Variants in DLG2 observed in about 807,000 individuals in gnomAD.
The protein encoded by DLG2 is disks large homolog 2.
In DLG2, 45 loss-of-function variants were observed where a neutral mutation model predicts 132.5. The observed-to-expected ratio is 0.34, with a 90% CI of 0.27 to 0.44. DLG2 has a LOEUF of 0.44. DLG2 is among the 20% of genes least tolerant of loss of function. The probability of loss-of-function intolerance (pLI) is 1.00; values close to 1 mark genes in which losing one functional copy is unlikely to be tolerated. For synonymous variants in DLG2, 424 were observed against 419.6 expected (o/e 1.01, Z -0.13); for missense variants, 1,045 against 1,196.9 (o/e 0.87, Z 1.87).
At chr11:84,378,213 G>T (rs951144498) in intron 7 of DLG2, among the ~76,000 whole-genome samples, 15 of 152,160 alleles carry the variant, frequency 9.9e-5, no homozygotes, top group African/African-American at 3.1e-4. Flanking sequence ...GTCCCTAAAA[G>T]AAGAGACATC....
intron 6 of DLG2, among the ~76,000 whole-genome samples, chr11:84,731,978 C>T (rs1271351345): frequency 2.0e-5 from 3 of 151,956 alleles, no homozygotes; most frequent in African/African-American, 7.2e-5. Flanking sequence ...CTCATCTGCT[C>T]TCTGTCACTA....
intron 6 of DLG2, among the ~76,000 whole-genome samples, chr11:84,650,105 G>A (rs867535962): frequency 8.5e-5 from 13 of 152,274 alleles, no homozygotes; most frequent in Middle Eastern, 3.4e-3. Context: ...TACCCCATGA[G>A]CTGAAAATTA....
intron 6 of DLG2, among the ~76,000 whole-genome samples, chr11:84,862,436 G>C (rs2083859637): frequency 6.6e-6 from 1 of 152,044 alleles, no homozygotes; most frequent in African/African-American, 2.4e-5. Context: ...TCTAGAACCA[G>C]AAATACCATT....
In DLG2 at chr11:84,131,393, T is replaced by C. The variant is rs139466922; in HGVS notation, c.624+32068A>G. Among the ~76,000 whole-genome samples, 977 of 152,140 alleles carry C rather than the reference T, an allele frequency of 6.4e-3. 5 individuals carry two copies. The highest frequency in any genetic ancestry group is 0.014 in the Middle Eastern group (4 of 294). On this transcript the variant is annotated intron_variant, in intron 9 of 27. Coordinates refer to ENST00000376104, the MANE Select transcript of DLG2 (RefSeq NM_001142699.3). ...TTTGTATGTTGCGTACTTGTATGAA[T>C]GTTTATATATACATACATATACATG...
intron 6 of DLG2, among the ~76,000 whole-genome samples, chr11:84,779,198 A>ATG (rs1565939738): frequency 4.7e-5 from 7 of 148,076 alleles, no homozygotes; most frequent in South Asian, 2.1e-4. Flanking sequence ...ATGTGCGCAC[A>ATG]CACACACACA....
rs148676515 is a variant in DLG2, at chr11:85,442,392, G to A, written c.40+156265C>T. ...ATACAAGAAGTATAAATATGGTCAA[G>A]TTATATTTAGAGTTAGAGACAGTGA... On this transcript the variant is annotated intron_variant, in intron 3 of 27. Transcript: ENST00000376104. 8.5e-3 allele frequency among the ~76,000 whole-genome samples: 1,299 copies of A among 152,262 alleles called. 6 individuals carry two copies. Among genetic ancestry groups the A allele is most frequent in the Non-Finnish European group, 0.011 (753 of 68,032 alleles).
chr11:83,967,628 G>A (rs2090489007), intron 12 of DLG2, among the ~76,000 whole-genome samples: 1 of 151,956 alleles, frequency 6.6e-6, no homozygotes, highest in Non-Finnish European at 1.5e-5. Flanking sequence ...ATAAATTTTG[G>A]TTATTAACCT....
chr11:84,463,550 G>T (rs2099085988), intron 7 of DLG2, among the ~76,000 whole-genome samples: 1 of 151,164 alleles, frequency 6.6e-6, no homozygotes, highest in African/African-American at 2.4e-5. Flanking sequence ...GGAGGATGAG[G>T]TAGTATTGAT....
intron 3 of DLG2, among the ~76,000 whole-genome samples, chr11:85,506,434 T>A (rs2093935420): frequency 6.6e-6 from 1 of 152,246 alleles, no homozygotes; most frequent in Non-Finnish European, 1.5e-5. Flanking sequence ...CTCATTGGTT[T>A]CAAAGGACAT....
intron 12 of DLG2, among the ~76,000 whole-genome samples, chr11:83,977,838 T>C (rs71465583): frequency 0.043 from 6,470 of 152,198 alleles, 200 homozygotes; most frequent in Non-Finnish European, 0.067. Context: ...GCCATCACAT[T>C]CTACTTTTAA....
intron 7 of DLG2, among the ~76,000 whole-genome samples, chr11:84,429,340 C>T (rs1402627770): frequency 1.3e-5 from 2 of 152,238 alleles, no homozygotes; most frequent in Non-Finnish European, 2.9e-5. Flanking sequence ...GAGGAATCTG[C>T]TTGCAGATGA....
intron 6 of DLG2, among the ~76,000 whole-genome samples, chr11:84,914,933 T>C (rs530701287): frequency 1.8e-4 from 28 of 152,274 alleles, no homozygotes; most frequent in Non-Finnish European, 2.9e-4. Context: ...ATTAAGAATA[T>C]TGAGGTATGT....
At chr11:84,481,289 C>A (rs1049294686) in intron 7 of DLG2, among the ~76,000 whole-genome samples, 1 of 151,962 alleles carries the variant, frequency 6.6e-6, no homozygotes, top group Non-Finnish European at 1.5e-5. Context: ...GTTTATCTTG[C>A]CCTATTTTTT....
At position 83,561,069 on chromosome 11, in the gene DLG2, C is replaced by T. The variant is rs148675134; in HGVS notation, c.1941-19211G>A. Among the ~76,000 whole-genome samples the T allele has an allele frequency of 5.2e-3, 790 of 152,230 alleles. 7 individuals carry two copies. Among genetic ancestry groups the T allele is most frequent in the African/African-American group, 0.018 (740 of 41,542 alleles). ...TTACAAGGCCAGAGCAGGAGCAAGG[C>T]GTTGGGGAAGGTGCCACACACTTTT... On this transcript the variant is annotated intron_variant, in intron 19 of 27. Transcript: ENST00000376104.
Position 84,965,298 on chromosome 11 carries a change from C to T in DLG2, c.357+146363G>A, listed in dbSNP as rs183169859. Among the ~76,000 whole-genome samples, 8 of 151,904 alleles carry T rather than the reference C, an allele frequency of 5.3e-5. No individual in the cohort carries two copies. In the East Asian group the frequency reaches 7.7e-4, roughly 15 times the overall value. On this transcript the variant is annotated intron_variant, in intron 6 of 27. Coordinates refer to ENST00000376104, the MANE Select transcript of DLG2 (RefSeq NM_001142699.3). ...GTTTTTGTGTGTGTGTGTGTGTGCACGGTTTTAAACTTTAGAAAAAAATTA... is the reference window on the plus strand; with the variant it reads ...GTTTTTGTGTGTGTGTGTGTGTGCATGGTTTTAAACTTTAGAAAAAAATTA...
intron 6 of DLG2, among the ~76,000 whole-genome samples, chr11:84,803,844 C>A (rs1943524): frequency 0.29 from 44,823 of 151,984 alleles, 6,952 homozygotes; most frequent in African/African-American, 0.31. Flanking sequence ...TGAAATGTTG[C>A]TTTCTGACTT....
chr11:85,282,964 T>A lies in DLG2; in HGVS notation c.186+2256A>T, dbSNP rs184321626. Among the ~76,000 whole-genome samples, 113 of 152,112 alleles carry A rather than the reference T, an allele frequency of 7.4e-4. 3 individuals carry two copies. In the East Asian group the frequency reaches 0.016, roughly 21 times the overall value. On this transcript the variant is annotated intron_variant, in intron 4 of 27. Coordinates refer to ENST00000376104, the MANE Select transcript of DLG2 (RefSeq NM_001142699.3). ...ACATAGATGAAGCTGGAGGTCATCA[T>A]CCTTAGCCAACTAACACAGGAACAA...
chr11:84,077,097 G>A (rs1463992356), intron 10 of DLG2, among the ~76,000 whole-genome samples: 3 of 152,120 alleles, frequency 2.0e-5, no homozygotes, highest in East Asian at 1.9e-4. Flanking sequence ...ATTCAAACAT[G>A]TTCTAGTATC....
At chr11:83,530,589 A>T (rs1592588365) in intron 21 of DLG2, among the ~76,000 whole-genome samples, 1 of 152,062 alleles carries the variant, frequency 6.6e-6, no homozygotes, top group East Asian at 1.9e-4. Flanking sequence ...ATACAGTATT[A>T]TCTCTTCAAA....
Sources: gnomAD v4.1 joint callset for allele counts (sites outside exome capture counted in the v4.1 genomes callset) on GRCh38, gnomAD v4.1.1 for gene constraint, MANE v1.5 for transcripts, NCBI Gene and HGNC (gene_info 2026-07-23, HGNC 2026-07-21) for gene names.